Variants in LYZL4 observed in about 807,000 individuals in gnomAD.
The protein encoded by LYZL4 is lysozyme-like protein 4.
Under a neutral mutation model 17.6 loss-of-function variants are expected in LYZL4, and 13 were observed. That is an observed-to-expected ratio of 0.74 (90% CI 0.48 to 1.18). The LOEUF (loss-of-function observed/expected upper bound fraction) is 1.18. Among genes scored for constraint, LYZL4 ranks in the 50% most tolerant of loss-of-function variants. LYZL4 has a pLI of 0.00. For synonymous variants in LYZL4, 64 were observed against 67.7 expected (o/e 0.95, Z 0.27); for missense variants, 174 against 188.2 (o/e 0.92, Z 0.44).
chr3:42,367,154 C>G, the LYZL4 span, among the ~76,000 whole-genome samples: 4 of 152,242 alleles, frequency 2.6e-5, no homozygotes, highest in East Asian at 7.7e-4. Flanking sequence ...CCGGTTGCCT[C>G]GATGACCCAA....
the LYZL4 span, among the ~76,000 whole-genome samples, chr3:42,366,035 C>T: frequency 2.0e-5 from 3 of 152,110 alleles, no homozygotes; most frequent in African/African-American, 7.2e-5. Context: ...GGAGAGGCTG[C>T]TCTGTTCCAG....
downstream of LYZL4, among the ~76,000 whole-genome samples, chr3:42,395,983 A>C (rs1000620859): frequency 6.6e-6 from 1 of 151,808 alleles, no homozygotes; most frequent in Non-Finnish European, 1.5e-5. Flanking sequence ...AATCGCTTGA[A>C]CCTGCGGGGT....
chr3:42,379,679 T>C, the LYZL4 span, among the ~76,000 whole-genome samples: 24 of 152,334 alleles, frequency 1.6e-4, no homozygotes, highest in Non-Finnish European at 1.5e-5. Flanking sequence ...CTCTGCTGTC[T>C]TCCAGCCTCT....
the LYZL4 span, among the ~76,000 whole-genome samples, chr3:42,367,539 G>A: frequency 2.0e-5 from 3 of 152,192 alleles, no homozygotes; most frequent in Admixed American, 6.5e-5. Flanking sequence ...CATGAGAACG[G>A]GCCAGGCACA....
chr3:42,401,155 C>A (rs949659629), intron 4 of LYZL4, among the ~76,000 whole-genome samples: 1 of 152,180 alleles, frequency 6.6e-6, no homozygotes, highest in South Asian at 2.1e-4. Flanking sequence ...AAAGCTAACA[C>A]GGGACCTATG....
chr3:42,370,930 A>G, the LYZL4 span, among the ~76,000 whole-genome samples: 1 of 151,982 alleles, frequency 6.6e-6, no homozygotes, highest in Non-Finnish European at 1.5e-5. Flanking sequence ...CCTTTTCCCC[A>G]TCTCCTTTTG....
chr3:42,366,752 A>C, the LYZL4 span, among the ~76,000 whole-genome samples: 1 of 152,212 alleles, frequency 6.6e-6, no homozygotes, highest in Non-Finnish European at 1.5e-5. Context: ...GAACATGCCG[A>C]GTACCTACTA....
the LYZL4 span, among the ~76,000 whole-genome samples, chr3:42,384,786 T>G: frequency 1.3e-5 from 2 of 152,070 alleles, no homozygotes; most frequent in African/African-American, 4.8e-5. Flanking sequence ...GGATGGGGTG[T>G]GTGTGTGTGT....
the LYZL4 span, among the ~76,000 whole-genome samples, chr3:42,372,741 A>G: frequency 6.6e-6 from 1 of 152,234 alleles, no homozygotes; most frequent in East Asian, 1.9e-4. Context: ...AATGGGCTTA[A>G]GAAGCCTGAG....
At chr3:42,396,225 C>T (rs2125598879), downstream of LYZL4, among the ~76,000 whole-genome samples, 1 of 152,314 alleles carries the variant, frequency 6.6e-6, no homozygotes, top group Admixed American at 6.5e-5. Flanking sequence ...CTCCATACTA[C>T]TCTAGTTCTT....
the LYZL4 span, among the ~76,000 whole-genome samples, chr3:42,388,579 T>C: frequency 6.6e-6 from 1 of 152,196 alleles, no homozygotes; most frequent in Non-Finnish European, 1.5e-5. Flanking sequence ...GTTGAACGCT[T>C]CTTGAGATGC....
chr3:42,372,192 A>C, the LYZL4 span, among the ~76,000 whole-genome samples: 1 of 152,216 alleles, frequency 6.6e-6, no homozygotes, highest in African/African-American at 2.4e-5. Context: ...TCAGGTGAGC[A>C]TCATGTGATG....
chr3:42,403,236 A>G (rs1698688577), intron 4 of LYZL4, among the ~76,000 whole-genome samples: 1 of 152,150 alleles, frequency 6.6e-6, no homozygotes, highest in African/African-American at 2.4e-5. Context: ...ATAAAAGACA[A>G]AAGAAGATAA....
At chr3:42,400,138 T>C (rs980685071) in intron 4 of LYZL4, among the ~76,000 whole-genome samples, 1 of 152,140 alleles carries the variant, frequency 6.6e-6, no homozygotes, top group Admixed American at 6.5e-5. Flanking sequence ...TCAGGGCACA[T>C]GATTTATAGT....
the LYZL4 span, among the ~76,000 whole-genome samples, chr3:42,385,009 C>T: frequency 1.3e-5 from 2 of 151,872 alleles, no homozygotes; most frequent in African/African-American, 2.4e-5. Flanking sequence ...TTGATCTTCA[C>T]GACAAAATCT....
chr3:42,382,440 T>C, the LYZL4 span, among the ~76,000 whole-genome samples: 1 of 152,172 alleles, frequency 6.6e-6, no homozygotes, highest in Non-Finnish European at 1.5e-5. Flanking sequence ...CATATTAATA[T>C]GTCATATTAA....
At chr3:42,376,171 T>C in the LYZL4 span, among the ~76,000 whole-genome samples, 4 of 152,306 alleles carry the variant, frequency 2.6e-5, no homozygotes, top group South Asian at 8.3e-4. Flanking sequence ...CATTAAGGAA[T>C]GTGCAGAAGT....
chr3:42,396,736 C>T (rs1698555046), downstream of LYZL4, among the ~76,000 whole-genome samples: 1 of 152,200 alleles, frequency 6.6e-6, no homozygotes, highest in Non-Finnish European at 1.5e-5. Context: ...TTATAACTTT[C>T]AGAGACTTTT....
chr3:42,361,210 A>T, the LYZL4 span, among the ~76,000 whole-genome samples: 1 of 152,152 alleles, frequency 6.6e-6, no homozygotes, highest in Admixed American at 6.5e-5. Flanking sequence ...TTTCTTTTAC[A>T]TATGGTAACA....
Sources: allele counts gnomAD v4.1 joint callset (sites outside exome capture counted in the v4.1 genomes callset), GRCh38; gene constraint gnomAD v4.1.1; transcripts MANE v1.5; gene names NCBI Gene and HGNC (gene_info 2026-07-23, HGNC 2026-07-21).